The following TRERF1 variants were observed in gnomAD, a reference collection of about 807,000 sequenced individuals.
The protein encoded by TRERF1 is transcriptional regulating factor 1, also known as transcriptional-regulating factor 1.
Under a neutral mutation model 122.9 loss-of-function variants are expected in TRERF1, and 27 were observed. That is an observed-to-expected ratio of 0.22 (90% CI 0.16 to 0.30). The LOEUF (loss-of-function observed/expected upper bound fraction) is 0.30, where lower values mean the gene tolerates loss of function less well. Among genes scored for constraint, TRERF1 ranks in the 10% least tolerant of loss-of-function variants. The pLI, the probability that TRERF1 is intolerant of heterozygous loss-of-function variation, is 1.00. For missense variants in TRERF1, 1,248 were observed against 1,560.3 expected (o/e 0.80, Z 3.37); for synonymous variants, 636 against 641.7 (o/e 0.99, Z 0.13).
At chr6:42,412,193 G>A (rs1432685017) in intron 2 of TRERF1, among the ~76,000 whole-genome samples, 1 of 151,874 alleles carries the variant, frequency 6.6e-6, no homozygotes, top group Non-Finnish European at 1.5e-5. Flanking sequence ...TAGAGACAGG[G>A]TTTCTCCATG....
intron 2 of TRERF1, among the ~76,000 whole-genome samples, chr6:42,419,745 T>A (rs963891005): frequency 6.6e-6 from 1 of 152,124 alleles, no homozygotes; most frequent in Non-Finnish European, 1.5e-5. Flanking sequence ...GGGGATTAGG[T>A]CATTGGCTCT....
At chr6:42,347,668 G>A (rs444388) in intron 3 of TRERF1, among the ~76,000 whole-genome samples, 6,226 of 152,130 alleles carry the variant, frequency 0.041, 283 homozygotes, top group African/African-American at 0.12. Context: ...ATGTGCTGTG[G>A]AGGACTAAAA....
intron 13 of TRERF1, among the ~76,000 whole-genome samples, chr6:42,251,071 A>C (rs1297791960): frequency 1.5e-5 from 2 of 134,178 alleles, no homozygotes; most frequent in Non-Finnish European, 3.0e-5. Context: ...ATCTCAGCTC[A>C]CTATAGCCTA....
At chr6:42,267,192 GCC>G (rs66718114) in intron 5 of TRERF1, among the ~76,000 whole-genome samples, 16,003 of 152,052 alleles carry the variant, frequency 0.11, 1,996 homozygotes, top group African/African-American at 0.3. Context: ...AAGTGCTCAG[GCC>G]CAGGTGGCAT....
At chr6:42,325,494 T>A (rs948978397) in intron 3 of TRERF1, among the ~76,000 whole-genome samples, 10 of 152,154 alleles carry the variant, frequency 6.6e-5, no homozygotes, top group African/African-American at 2.2e-4. Context: ...AGCAAAGACA[T>A]GGAATCAACT....
chr6:42,256,942 G>A (rs1297734467), intron 11 of TRERF1, 21 bp downstream of exon 11: 1 of 1,613,882 alleles, frequency 6.2e-7, no homozygotes, highest in African/African-American at 1.3e-5. Flanking sequence ...CTCCCACCCA[G>A]CTCTTCCCAT....
chr6:42,257,206 G>C lies in TRERF1; in HGVS notation c.2337-104C>G, dbSNP rs1776909946. ...AAAAAGAAGGAAACTAGTTCTTTCT[G>C]CAAGAATGCAGGGGCATTTCCTCAC... On this transcript the variant is annotated intron_variant, in intron 10 of 17. Coordinates refer to ENST00000372922, the Ensembl canonical transcript of TRERF1. 2.2e-6 allele frequency: 3 copies of C among 1,383,556 alleles called. No homozygotes were observed. The South Asian group carries it at 4.0e-5, about 19-fold the overall frequency. 85.7% of individuals were successfully genotyped at this position (1,383,556 alleles called of 1,614,324 possible).
At chr6:42,345,376 G>C (rs778956470) in intron 3 of TRERF1, among the ~76,000 whole-genome samples, 2 of 152,166 alleles carry the variant, frequency 1.3e-5, no homozygotes, top group African/African-American at 2.4e-5. Flanking sequence ...GAGGACCCGA[G>C]CAAGAGGTGA....
intron 2 of TRERF1, among the ~76,000 whole-genome samples, chr6:42,445,094 C>A (rs1787230413): frequency 6.6e-6 from 1 of 152,018 alleles, no homozygotes; most frequent in Admixed American, 6.6e-5. Context: ...CATGGTGAAA[C>A]CCCGTCTCTA....
intron 4 of TRERF1, among the ~76,000 whole-genome samples, chr6:42,284,525 C>T (rs1582810106): frequency 6.6e-6 from 1 of 152,360 alleles, no homozygotes; most frequent in African/African-American, 2.4e-5. Context: ...TTACTTTTCA[C>T]TGAAATAGCA....
intron 2 of TRERF1, among the ~76,000 whole-genome samples, chr6:42,419,426 T>G (rs1334506939): frequency 6.6e-6 from 1 of 152,026 alleles, no homozygotes; most frequent in African/African-American, 2.4e-5. Flanking sequence ...GTGGCCTGCA[T>G]GTCCGAAGGC....
intron 3 of TRERF1, among the ~76,000 whole-genome samples, chr6:42,350,659 G>A: frequency 6.6e-6 from 1 of 152,060 alleles, no homozygotes; most frequent in East Asian, 1.9e-4. Context: ...TCACATTAAG[G>A]ACATTCAAAC....
chr6:42,404,617 C>T lies in TRERF1; in HGVS notation c.-453-41538G>A, dbSNP rs544135335. ...GCCTCTGGTGATTCACAGGCCTTAACCCTGTCAGGAGCCCCACCCAACCTC... is the reference window on the plus strand; with the variant it reads ...GCCTCTGGTGATTCACAGGCCTTAATCCTGTCAGGAGCCCCACCCAACCTC... On this transcript the variant is annotated intron_variant, in intron 2 of 17. Coordinates refer to ENST00000372922, the Ensembl canonical transcript of TRERF1. 7.9e-5 allele frequency among the ~76,000 whole-genome samples: 12 copies of T among 152,218 alleles called. No individual in the cohort carries two copies. In the South Asian group the frequency reaches 2.5e-3, roughly 32 times the overall value.
intron 2 of TRERF1, among the ~76,000 whole-genome samples, chr6:42,404,375 A>G (rs1210187302): frequency 6.6e-6 from 1 of 151,910 alleles, no homozygotes; most frequent in Non-Finnish European, 1.5e-5. Context: ...TTATCTCTCC[A>G]TTCTAGTCCT....
intron 17 of TRERF1, among the ~76,000 whole-genome samples, chr6:42,229,620 A>T (rs1411545176): frequency 6.6e-6 from 1 of 151,978 alleles, no homozygotes; most frequent in Non-Finnish European, 1.5e-5. Context: ...TTGACTTCTG[A>T]GCTACATCTA....
chr6:42,412,384 A>G (rs1781246129), intron 2 of TRERF1, among the ~76,000 whole-genome samples: 1 of 152,350 alleles, frequency 6.6e-6, no homozygotes, highest in South Asian at 2.1e-4. Flanking sequence ...ATGATTCCTG[A>G]AAGTACAGTC....
intron 2 of TRERF1, among the ~76,000 whole-genome samples, chr6:42,449,518 A>C (rs952262659): frequency 6.6e-6 from 1 of 152,210 alleles, no homozygotes; most frequent in African/African-American, 2.4e-5. Flanking sequence ...CAAGACAATA[A>C]AATAAATCTC....
intron 13 of TRERF1, among the ~76,000 whole-genome samples, chr6:42,251,409 T>C (rs1351504691): frequency 6.6e-6 from 1 of 152,090 alleles, no homozygotes; most frequent in African/African-American, 2.4e-5. Context: ...TGGGTGAAGG[T>C]TGAGTAATTT....
intron 8 of TRERF1, among the ~76,000 whole-genome samples, chr6:42,261,068 CCT>C (rs1777761705): frequency 6.6e-6 from 1 of 152,008 alleles, no homozygotes; most frequent in South Asian, 2.1e-4. Flanking sequence ...AGGGGACCCT[CCT>C]TAGGCCAGCG....
Sources: gnomAD v4.1 joint callset for allele counts (sites outside exome capture counted in the v4.1 genomes callset) on GRCh38, gnomAD v4.1.1 for gene constraint, MANE v1.5 for transcripts, NCBI Gene and HGNC (gene_info 2026-07-23, HGNC 2026-07-21) for gene names.